The following FHDC1 variants were observed in gnomAD, a reference collection of about 807,000 sequenced individuals.
The protein encoded by FHDC1 is FH2 domain containing 1.
Under a neutral mutation model 52.6 loss-of-function variants are expected in FHDC1, and 25 were observed. The observed-to-expected ratio is 0.48, with a 90% CI of 0.35 to 0.66. The LOEUF is 0.66. Ranked by LOEUF, FHDC1 falls within the 30% of genes least tolerant of loss-of-function variation. FHDC1 has a pLI of 0.01. For missense variants in FHDC1, 1,459 were observed against 1,452.8 expected (o/e 1.00, Z -0.07); for synonymous variants, 616 against 581.5 (o/e 1.06, Z -0.85).
At chr4:152,968,143 A>G (rs1204690780) in intron 10 of FHDC1, 46 bp downstream of exon 10, 2 of 1,401,600 alleles carry the variant, frequency 1.4e-6, no homozygotes, top group African/African-American at 1.4e-5. Flanking sequence ...ATCTCCCAGC[A>G]GCACCCCGGG....
intron 9 of FHDC1, among the ~76,000 whole-genome samples, chr4:152,966,999 G>A (rs1168926354): frequency 1.3e-5 from 2 of 152,016 alleles, no homozygotes; most frequent in African/African-American, 4.8e-5. Flanking sequence ...GCACACCTGT[G>A]ATCCCAATTA....
In FHDC1 at chr4:152,943,290, G is replaced by A; in HGVS notation, c.233G>A (p.Gly78Asp). ...CCTCCCATCCCACCTCCCCCACCAG[G>A]CCTACCCCCAACTACTCACATGAAC... ...GEPPIPPPPPGLPPTTHMNGY... is the reference protein window; with the variant it reads ...GEPPIPPPPPDLPPTTHMNGY... The change falls in exon 2 of 12, where the codon GGC becomes GAC. Residue 78 changes from glycine to aspartate, a missense_variant. Gly to Asp is a moderately conservative substitution (Grantham distance 94). Around this residue, in one of 3 missense-constraint regions of FHDC1, gnomAD observed 513 missense variants for 581.5 expected, o/e 0.88. Coordinates refer to ENST00000511601, the MANE Select transcript of FHDC1 (RefSeq NM_001371116.1). The A allele has an allele frequency of 7.7e-7, 1 of 1,293,586 alleles. No individual in the cohort carries two copies. Among genetic ancestry groups the A allele is most frequent in the Non-Finnish European group, 1.0e-6 (1 of 982,872 alleles). The allele number at this position is 1,293,586 out of a possible 1,614,324, so 80.1% of individuals were successfully genotyped here. A position where few individuals can be genotyped will look rare whatever the true frequency, so the allele number is the denominator to read the frequency against.
chr4:152,949,121 T>TAAGAAGAAG (rs1423440219), intron 2 of FHDC1, among the ~76,000 whole-genome samples: 1,402 of 65,206 alleles, frequency 0.022, 6 homozygotes, highest in East Asian at 0.028. Context: ...ATAATAATAA[T>TAAGAAGAAG]AATAAGAAGA....
At position 152,954,710 on chromosome 4, in the gene FHDC1, A is replaced by G. The variant is rs113973865; in HGVS notation, c.663+391A>G. ...TCTAAAAAAAAAAGAAAGAAAGAAA[A>G]AAAGCTCACATGCTCACATGGGAAG... On this transcript the variant is annotated intron_variant, in intron 4 of 11. Coordinates refer to ENST00000511601, the MANE Select transcript of FHDC1 (RefSeq NM_001371116.1). Among the ~76,000 whole-genome samples, 286 of 152,116 alleles carry G rather than the reference A, an allele frequency of 1.9e-3. 1 individual carries two copies. Among genetic ancestry groups the G allele is most frequent in the African/African-American group, 6.1e-3 (255 of 41,506 alleles).
chr4:152,953,507 T>G lies in FHDC1; in HGVS notation c.507T>G (p.Ile169Met). The G allele has an allele frequency of 6.2e-7, 1 of 1,612,496 alleles. No homozygotes were observed. The highest frequency in any genetic ancestry group is 8.5e-7 in the Non-Finnish European group (1 of 1,179,716). ...CTTATTTTTTTTTCCAGATTACTATTTTGGATGCAAAACGGAGCATGAACA... is the reference window on the plus strand; with the variant it reads ...CTTATTTTTTTTTCCAGATTACTATGTTGGATGCAAAACGGAGCATGAACA... ...SFREAREEIT[I>M]LDAKRSMNIG... is the part of the protein sequence containing the mutation. The change falls in exon 3 of 12, where the codon ATT becomes ATG. Residue 169 changes from isoleucine (I) to methionine (M), a missense_variant. Transcript: ENST00000511601.
chr4:152,961,233 C>T (rs1579095453), intron 6 of FHDC1, among the ~76,000 whole-genome samples: 1 of 16,790 alleles, frequency 6.0e-5, no homozygotes, highest in East Asian at 0.038. Context: ...CTCTCTCCTC[C>T]CTGTCGTGGC....
intron 1 of FHDC1, among the ~76,000 whole-genome samples, chr4:152,940,577 T>G (rs1739548313): frequency 6.6e-6 from 1 of 152,234 alleles, no homozygotes; most frequent in South Asian, 2.1e-4. Flanking sequence ...TGTCAGTATC[T>G]CTGTATTTGC....
At chr4:152,959,593 G>T (rs1461816028) in intron 4 of FHDC1, among the ~76,000 whole-genome samples, 3 of 152,070 alleles carry the variant, frequency 2.0e-5, no homozygotes, top group Non-Finnish European at 4.4e-5. Flanking sequence ...TGGGGGAGGG[G>T]CTTCCCTATG....
At chr4:152,916,155 G>C in the FHDC1 span, among the ~76,000 whole-genome samples, 1 of 151,864 alleles carries the variant, frequency 6.6e-6, no homozygotes, top group Admixed American at 6.6e-5. Flanking sequence ...AAAAAAATTA[G>C]TAATACTGTT....
the FHDC1 span, among the ~76,000 whole-genome samples, chr4:152,927,157 G>A: frequency 6.0e-4 from 92 of 152,358 alleles, no homozygotes; most frequent in African/African-American, 2.0e-3. Context: ...TCCAGAAGAG[G>A]GGTTGTATAG....
the FHDC1 span, among the ~76,000 whole-genome samples, chr4:152,915,439 G>C: frequency 5.3e-5 from 8 of 152,272 alleles, no homozygotes; most frequent in Non-Finnish European, 8.8e-5. Flanking sequence ...TTAATTCAAA[G>C]GAGCCATGTA....
intron 1 of FHDC1, among the ~76,000 whole-genome samples, chr4:152,937,645 C>T (rs1251547104): frequency 6.6e-6 from 1 of 151,702 alleles, no homozygotes; most frequent in Admixed American, 6.6e-5. Context: ...CAGTCCCCGC[C>T]CCGCAGGCCG....
upstream of FHDC1, among the ~76,000 whole-genome samples, chr4:152,932,099 A>G (rs1046306508): frequency 2.6e-5 from 4 of 152,066 alleles, no homozygotes; most frequent in Admixed American, 2.6e-4. Flanking sequence ...AAAATGAAGT[A>G]TTGGCTGGGT....
chr4:152,972,686 C>T lies in FHDC1; in HGVS notation c.1383+145C>T, dbSNP rs1377693464. The T allele has an allele frequency of 1.4e-5, 14 of 994,114 alleles. No individual in the cohort carries two copies. In the South Asian group the frequency reaches 1.4e-4, roughly 10 times the overall value. The allele number at this position is 994,114 out of a possible 1,614,324, so 61.6% of individuals were successfully genotyped here. On this transcript the variant is annotated intron_variant, in intron 11 of 11. Coordinates refer to ENST00000511601, the MANE Select transcript of FHDC1 (RefSeq NM_001371116.1). ...GGCCCAGGTGGTATTGCCAGGCTCTCGGCTGGGATTGCTGGAAAGTGGCTC... is the reference window on the plus strand; with the variant it reads ...GGCCCAGGTGGTATTGCCAGGCTCTTGGCTGGGATTGCTGGAAAGTGGCTC...
chr4:152,943,252 A>G lies in FHDC1; in HGVS notation c.195A>G (p.Pro65=). The change falls in exon 2 of 12, where the codon CCA becomes CCG. Residue 65 remains proline (P), a synonymous_variant. Coordinates refer to ENST00000511601, the MANE Select transcript of FHDC1 (RefSeq NM_001371116.1). ...PSSPPPPPPP[P]LPGEPPIPPP... is the part of the protein sequence containing the mutation. The stretch of plus-strand genomic sequence containing the variant: ...CCCCTCCTCCACCCCCACCACCTCC[A>G]CTTCCTGGGGAGCCTCCCATCCCAC... 9.5e-7 allele frequency: 1 copy of G among 1,050,422 alleles called. No homozygotes were observed. The highest frequency in any genetic ancestry group is 1.2e-6 in the Non-Finnish European group (1 of 817,308). 65.1% of individuals were successfully genotyped at this position (1,050,422 alleles called of 1,614,324 possible).
At chr4:152,964,328 C>G (rs1356504366) in intron 8 of FHDC1, among the ~76,000 whole-genome samples, 1 of 152,218 alleles carries the variant, frequency 6.6e-6, no homozygotes, top group African/African-American at 2.4e-5. Flanking sequence ...AAAATGTGTT[C>G]CTTGCCCAGC....
chr4:152,973,253 G>A (rs1341393887), intron 11 of FHDC1, among the ~76,000 whole-genome samples: 1 of 152,212 alleles, frequency 6.6e-6, no homozygotes, highest in Non-Finnish European at 1.5e-5. Context: ...GTGGTGTTGA[G>A]GAAGCAAAGC....
rs929490524 is a variant in FHDC1 at position 152,943,001 on chromosome 4, T to C, written c.-57T>C. On this transcript the variant is annotated 5_prime_UTR_variant, in exon 2 of 12. It removes an upstream start codon present in the reference 5' UTR. Coordinates refer to ENST00000511601, the MANE Select transcript of FHDC1 (RefSeq NM_001371116.1). ...GTGAAAAAGTGCTACACAAGTTTGATGTTTGTGTCTTCTTCTCCAAGGCCA... is the reference window on the plus strand; with the variant it reads ...GTGAAAAAGTGCTACACAAGTTTGACGTTTGTGTCTTCTTCTCCAAGGCCA... The C allele has an allele frequency of 2.1e-4, 321 of 1,542,768 alleles. No individual in the cohort carries two copies. Among genetic ancestry groups the C allele is most frequent in the South Asian group, 2.8e-4 (22 of 79,654 alleles).
At chr4:152,934,304 A>C (rs779838285), upstream of FHDC1, among the ~76,000 whole-genome samples, 1 of 152,196 alleles carries the variant, frequency 6.6e-6, no homozygotes, top group Non-Finnish European at 1.5e-5. Flanking sequence ...GTCTTAGGTA[A>C]AGAGGGGGAG....
Sources: gnomAD v4.1 joint callset for allele counts (sites outside exome capture counted in the v4.1 genomes callset) on GRCh38, gnomAD v4.1.1 for gene constraint, gnomAD v4.1.1 regional missense constraint, MANE v1.5 for transcripts, NCBI Gene and HGNC (gene_info 2026-07-23, HGNC 2026-07-21) for gene names.